Variants in SEMA3C observed in about 807,000 individuals in gnomAD.
SEMA3C encodes the protein semaphorin-3C.
Under a neutral mutation model 89.4 loss-of-function variants are expected in SEMA3C, and 47 were observed. The ratio of observed to expected loss-of-function variants is 0.53; its 90% CI spans 0.42 to 0.67. The LOEUF is 0.67. Among genes scored for constraint, SEMA3C ranks in the 30% least tolerant of loss-of-function variants. The pLI, the probability that SEMA3C is intolerant of heterozygous loss-of-function variation, is 0.00. For synonymous variants in SEMA3C, 310 were observed against 320.2 expected (o/e 0.97, Z 0.34); for missense variants, 839 against 929.1 (o/e 0.90, Z 1.26).
intron 2 of SEMA3C, among the ~76,000 whole-genome samples, chr7:80,910,710 T>A (rs1792123724): frequency 6.6e-6 from 1 of 151,768 alleles, no homozygotes; most frequent in Admixed American, 6.6e-5. Context: ...TAGTTCTTTA[T>A]TATAGCAAAG....
chr7:80,751,592 C>T (rs1044858554), intron 15 of SEMA3C, among the ~76,000 whole-genome samples: 6 of 152,016 alleles, frequency 3.9e-5, no homozygotes, highest in African/African-American at 1.4e-4. Context: ...GGCTATGAAT[C>T]GCCTGCTGCA....
intron 2 of SEMA3C, among the ~76,000 whole-genome samples, chr7:80,886,489 G>A (rs981835164): frequency 5.9e-5 from 9 of 151,900 alleles, no homozygotes; most frequent in African/African-American, 1.7e-4. Flanking sequence ...GAGTAGCTGG[G>A]ATTACAGGCA....
chr7:80,839,327 G>C (rs2115868550), intron 2 of SEMA3C, among the ~76,000 whole-genome samples: 1 of 152,204 alleles, frequency 6.6e-6, no homozygotes, highest in African/African-American at 2.4e-5. Context: ...CTGCTTTCTA[G>C]ACCTCTTGGC....
intron 2 of SEMA3C, among the ~76,000 whole-genome samples, chr7:80,829,223 A>C (rs990259834): frequency 3.3e-5 from 5 of 152,200 alleles, no homozygotes; most frequent in Non-Finnish European, 7.3e-5. Flanking sequence ...GAAGTAAAAC[A>C]TAAACCACTA....
chr7:80,751,533 T>G (rs1787936131), intron 15 of SEMA3C, among the ~76,000 whole-genome samples, 197 bp from the exon 16 acceptor site: 1 of 152,148 alleles, frequency 6.6e-6, no homozygotes, highest in Non-Finnish European at 1.5e-5. Flanking sequence ...GTACTTATCT[T>G]TGCTTTTCAA....
chr7:80,881,213 T>C (rs991557630), intron 2 of SEMA3C, among the ~76,000 whole-genome samples: 2 of 145,540 alleles, frequency 1.4e-5, no homozygotes, highest in Non-Finnish European at 3.0e-5. Context: ...ACACACACTC[T>C]CTCTCATGTA....
chr7:80,771,533 C>T (rs1204574871), intron 12 of SEMA3C, among the ~76,000 whole-genome samples: 5 of 152,146 alleles, frequency 3.3e-5, no homozygotes, highest in Non-Finnish European at 5.9e-5. Context: ...TATCCTTAAA[C>T]CTTTCCACTG....
At chr7:80,919,384 C>G (rs955038190), upstream of SEMA3C, 5 of 985,240 alleles carry the variant, frequency 5.1e-6, no homozygotes, top group Middle Eastern at 5.2e-4. Flanking sequence ...GGGTGCGCTC[C>G]ACGGTTTTTG....
At chr7:80,919,563 T>TTTTTTTG (rs201080973), upstream of SEMA3C, among the ~76,000 whole-genome samples, 36 of 145,232 alleles carry the variant, frequency 2.5e-4, no homozygotes, top group East Asian at 8.0e-4. Context: ...TGCTGCGTTT[T>TTTTTTTG]TTTTTTGTTT....
chr7:80,811,158 A>C (rs1789459990), intron 5 of SEMA3C, among the ~76,000 whole-genome samples: 1 of 152,184 alleles, frequency 6.6e-6, no homozygotes, highest in Non-Finnish European at 1.5e-5. Flanking sequence ...GCATTGTACA[A>C]GATTCAACAA....
At chr7:80,854,317 T>C (rs1008695458) in intron 2 of SEMA3C, among the ~76,000 whole-genome samples, 4 of 152,188 alleles carry the variant, frequency 2.6e-5, no homozygotes, top group Non-Finnish European at 1.5e-5. Flanking sequence ...TGGCAGCTCA[T>C]GAAGGTACAG....
At chr7:80,813,350 C>A (rs752726175) in intron 5 of SEMA3C, among the ~76,000 whole-genome samples, 1 of 152,124 alleles carries the variant, frequency 6.6e-6, no homozygotes, top group Non-Finnish European at 1.5e-5. Flanking sequence ...TGTACAGTGG[C>A]CTTTCAAAGA....
chr7:80,818,196 TA>T (rs1227512021), intron 5 of SEMA3C, 102 bp downstream of exon 5: 3 of 1,120,768 alleles, frequency 2.7e-6, no homozygotes, highest in African/African-American at 1.6e-5. Flanking sequence ...GGCATGAAAA[TA>T]TTTTATGAAT....
Position 80,744,881 on chromosome 7 carries a change from A to G in SEMA3C, c.*13T>C. On this transcript the variant is annotated 3_prime_UTR_variant, in exon 18 of 18. Transcript: ENST00000265361. The stretch of plus-strand genomic sequence containing the variant: ...ATTTGTTAATGGAAGCATAAGACCC[A>G]CATAAGAAAATATTATGACTCTGGC... 2 of 1,613,670 alleles carry G rather than the reference A, an allele frequency of 1.2e-6. No individual in the cohort carries two copies. The highest frequency in any genetic ancestry group is 1.7e-4 in the Middle Eastern group (1 of 6,046).
chr7:80,822,072 T>C (rs536062096), intron 4 of SEMA3C, among the ~76,000 whole-genome samples: 1 of 152,304 alleles, frequency 6.6e-6, no homozygotes, highest in East Asian at 1.9e-4. Flanking sequence ...ACTGCAATAG[T>C]GTCAATTCCA....
chr7:80,825,197 C>A (rs1789842824), intron 4 of SEMA3C, among the ~76,000 whole-genome samples: 1 of 151,950 alleles, frequency 6.6e-6, no homozygotes, highest in South Asian at 2.1e-4. Context: ...TTTCCCATAG[C>A]CTAAGTAAAG....
chr7:80,797,681 T>TC (rs1378205788), intron 11 of SEMA3C, among the ~76,000 whole-genome samples: 1 of 152,196 alleles, frequency 6.6e-6, no homozygotes, highest in East Asian at 1.9e-4. Flanking sequence ...CTAAATTATT[T>TC]CTCACATGGT....
intron 2 of SEMA3C, among the ~76,000 whole-genome samples, chr7:80,887,848 AAAATATT>A (rs1332567132): frequency 6.6e-6 from 1 of 152,114 alleles, no homozygotes; most frequent in Non-Finnish European, 1.5e-5. Context: ...AGAGGCTTTT[AAAATATT>A]GATTTTTATA....
chr7:80,825,920 T>A (rs954362120), intron 4 of SEMA3C, among the ~76,000 whole-genome samples: 4 of 152,204 alleles, frequency 2.6e-5, no homozygotes, highest in Non-Finnish European at 5.9e-5. Flanking sequence ...AATGTATTTG[T>A]TTAAGTGTTT....
Sources: gnomAD v4.1 joint callset for allele counts (sites outside exome capture counted in the v4.1 genomes callset) on GRCh38, gnomAD v4.1.1 for gene constraint, MANE v1.5 for transcripts, NCBI Gene and HGNC (gene_info 2026-07-23, HGNC 2026-07-21) for gene names.